DLC1: variants seen among roughly 807,000 people sequenced by gnomAD.
The protein encoded by DLC1 is DLC1 Rho GTPase activating protein.
In DLC1, 54 loss-of-function variants were observed where a neutral mutation model predicts 140.3. The observed-to-expected ratio is 0.38, with a 90% confidence interval of 0.31 to 0.48. The LOEUF is 0.48. Among genes scored for constraint, DLC1 ranks in the 20% least tolerant of loss-of-function variants. DLC1 has a pLI of 0.96. For synonymous variants in DLC1, 986 were observed against 728.1 expected, an observed-to-expected ratio of 1.35 and a Z score of -5.70; for missense variants, 2,536 against 1,907.0, an observed-to-expected ratio of 1.33 and a Z score of -6.14.
chr8:13,242,527 T>C (rs1829584594), intron 5 of DLC1, among the ~76,000 whole-genome samples: 1 of 151,968 alleles, frequency 6.6e-6, no homozygotes, highest in South Asian at 2.1e-4. Context: ...TCCCAAGTAG[T>C]TGGGACTACA....
chr8:13,367,612 A>T (rs1835546904), intron 4 of DLC1, among the ~76,000 whole-genome samples: 1 of 152,242 alleles, frequency 6.6e-6, no homozygotes, highest in Non-Finnish European at 1.5e-5. Flanking sequence ...TACATAGTCT[A>T]GCACACTGAA....
chr8:13,084,325 G>C lies in DLC1; in HGVS notation c.*1486C>G, dbSNP rs1465429661. On this transcript the variant is annotated 3_prime_UTR_variant, in exon 18 of 18. Transcript: ENST00000276297. ...ATGCCCTGCCCCAAAATTCTTCAAA[G>C]AACCTTTGAAATAACACTGAAAATG... The C allele has an allele frequency of 6.6e-6, 1 of 152,396 alleles. No individual in the cohort carries two copies. The highest frequency in any genetic ancestry group is 2.4e-5 in the African/African-American group (1 of 41,384). 9.4% of individuals were successfully genotyped at this position (152,396 alleles called of 1,614,324 possible).
intron 1 of DLC1, among the ~76,000 whole-genome samples, chr8:13,553,755 A>G (rs1022716995): frequency 6.6e-6 from 1 of 152,114 alleles, no homozygotes; most frequent in Non-Finnish European, 1.5e-5. Context: ...ACAAATGCCC[A>G]TCAGTCTTTG....
chr8:13,407,751 A>C (rs1175014061), intron 2 of DLC1, among the ~76,000 whole-genome samples: 2 of 152,128 alleles, frequency 1.3e-5, no homozygotes, highest in Non-Finnish European at 2.9e-5. Flanking sequence ...CTTCAATTCC[A>C]TATGTGTGTT....
rs377063736 is a variant in DLC1 at position 13,393,638 on chromosome 8, C to T, written c.1229G>A (p.Arg410Gln). The T allele has an allele frequency of 2.1e-5, 34 of 1,614,044 alleles. No individual in the cohort carries two copies. The highest frequency in any genetic ancestry group is 1.6e-4 in the Middle Eastern group (1 of 6,062). Residue 410 changes from arginine to glutamine, a missense_variant, in exon 4 of 18, where the codon CGA (arginine) becomes CAA (glutamine). Arg to Gln is a conservative substitution (Grantham distance 43). Transcript: ENST00000276297. Reference protein sequence around the residue: ...GADTISVNQTRVNLSSDTEST... With the variant: ...GADTISVNQTQVNLSSDTEST... ...CTCAGTGTCAGAAGACAAATTTACT[C>T]GTGTCTGATTTACTGAAATGGTATC...
intron 4 of DLC1, among the ~76,000 whole-genome samples, chr8:13,382,505 C>CAAAAA (rs71207149): frequency 4.5e-4 from 16 of 35,512 alleles, no homozygotes; most frequent in African/African-American, 7.9e-4. Flanking sequence ...GACTCCGTCT[C>CAAAAA]AAAAAAAAAA....
intron 5 of DLC1, among the ~76,000 whole-genome samples, chr8:13,186,121 G>A (rs1190444648): frequency 6.6e-6 from 1 of 152,148 alleles, no homozygotes; most frequent in East Asian, 1.9e-4. Context: ...TGACAATTAT[G>A]TGTCTTGGGG....
At chr8:13,127,330 G>C (rs1475548305) in intron 5 of DLC1, among the ~76,000 whole-genome samples, 2 of 152,166 alleles carry the variant, frequency 1.3e-5, no homozygotes, top group African/African-American at 2.4e-5. Flanking sequence ...ATGTGATCTT[G>C]GACTGGTCAC....
chr8:13,571,282 C>T (rs571417169), intron 1 of DLC1, among the ~76,000 whole-genome samples: 3 of 152,200 alleles, frequency 2.0e-5, no homozygotes, highest in South Asian at 4.2e-4. Flanking sequence ...GCATGACATC[C>T]ATAATGTTGT....
At chr8:13,110,859 C>T in intron 6 of DLC1, 36 bp from the exon 7 acceptor site, 1 of 1,604,282 alleles carries the variant, frequency 6.2e-7, no homozygotes, top group Non-Finnish European at 8.5e-7. Context: ...TTGTTGAGCG[C>T]CTAAAACCCA....
intron 4 of DLC1, among the ~76,000 whole-genome samples, chr8:13,306,857 G>C (rs764284340): frequency 6.6e-6 from 1 of 151,920 alleles, no homozygotes; most frequent in African/African-American, 2.4e-5. Flanking sequence ...GCCGAGGCGG[G>C]TGGATCACCT....
In DLC1 at chr8:13,088,669, T is replaced by C. The variant is rs543055779; in HGVS notation, c.4110A>G (p.Ser1370=). ...CTGGCACAGCAGGGACTTCAATGACTGACCTCCAAAGCCTCAGAGGGGGTC... is the reference window on the plus strand; with the variant it reads ...CTGGCACAGCAGGGACTTCAATGACCGACCTCCAAAGCCTCAGAGGGGGTC... The part of the protein sequence containing the change: ...SEGPPLRLWR[S]VIEVPAVPEE... Residue 1370 remains serine (S), a synonymous_variant, in exon 16 of 18, where the codon TCA becomes TCG. Transcript: ENST00000276297. 2.5e-6 allele frequency: 4 copies of C among 1,614,072 alleles called. No homozygotes were observed.
At chr8:13,553,201 G>GTC (rs1563436718) in intron 1 of DLC1, among the ~76,000 whole-genome samples, 2 of 92,870 alleles carry the variant, frequency 2.2e-5, no homozygotes, top group African/African-American at 7.8e-5. Context: ...CCTGCCAGCT[G>GTC]TCATATATAT....
chr8:13,532,195 A>G (rs1803121366), intron 1 of DLC1, among the ~76,000 whole-genome samples: 1 of 152,132 alleles, frequency 6.6e-6, no homozygotes, highest in Admixed American at 6.6e-5. Context: ...GCTTGAGCCC[A>G]GGACGTTGAG....
At chr8:13,088,985 G>A (rs1817806279) in intron 15 of DLC1, among the ~76,000 whole-genome samples, 2 of 152,118 alleles carry the variant, frequency 1.3e-5, no homozygotes, top group South Asian at 2.1e-4. Context: ...TGAGCCGGGT[G>A]CAGTGGCTCA....
At chr8:13,457,370 A>C (rs1345411217) in intron 2 of DLC1, among the ~76,000 whole-genome samples, 1 of 152,198 alleles carries the variant, frequency 6.6e-6, no homozygotes, top group Non-Finnish European at 1.5e-5. Flanking sequence ...TAGAAACAAA[A>C]TCAAAAGAGA....
intron 1 of DLC1, among the ~76,000 whole-genome samples, chr8:13,590,266 C>A (rs115292178): frequency 0.02 from 3,002 of 151,956 alleles, 100 homozygotes; most frequent in African/African-American, 0.068. Context: ...TATGAGTCCT[C>A]CCTTTCTAAG....
rs538235139 is a variant in DLC1 at position 13,424,763 on chromosome 8, C to T, written c.1024-23144G>A. Among the ~76,000 whole-genome samples, 9 of 152,014 alleles carry T rather than the reference C, an allele frequency of 5.9e-5. No individual in the cohort carries two copies. In the South Asian group the frequency reaches 1.5e-3, roughly 25 times the overall value. On this transcript the variant is annotated intron_variant, in intron 2 of 17. Coordinates refer to ENST00000276297, the MANE Select transcript of DLC1 (RefSeq NM_182643.3). ...AATTTTTTTGTATTGTTAGTAGAGA[C>T]GGGGTTTCACCATGTTAGCCAGGAT... is the stretch of plus-strand genomic sequence containing the variant.
At chr8:13,556,589 T>C (rs148267732) in intron 1 of DLC1, among the ~76,000 whole-genome samples, 1 of 152,130 alleles carries the variant, frequency 6.6e-6, no homozygotes, top group African/African-American at 2.4e-5. Flanking sequence ...GCAGAGGTCA[T>C]AAGCATGGAC....
Sources: gnomAD v4.1 joint callset for allele counts (sites outside exome capture counted in the v4.1 genomes callset) on GRCh38, gnomAD v4.1.1 for gene constraint, MANE v1.5 for transcripts, NCBI Gene and HGNC (gene_info 2026-07-23, HGNC 2026-07-21) for gene names.